Variants in EVC observed in about 807,000 individuals in gnomAD.
EVC encodes the protein evC complex member EVC.
A neutral mutation model predicts 118.9 loss-of-function variants in EVC; 116 were observed. The ratio of observed to expected loss-of-function variants is 0.98; its 90% CI spans 0.84 to 1.14. The LOEUF is 1.14. Among genes scored for constraint, EVC ranks in the 50% most tolerant of loss-of-function variants. The pLI is 0.00. For synonymous variants in EVC, 619 were observed against 534.7 expected (o/e 1.16, Z -2.18); for missense variants, 1,401 against 1,246.4 (o/e 1.12, Z -1.87).
rs1020350579 is a variant in EVC at position 5,812,576 on chromosome 4, C to G, written c.*1539C>G. 3 of 167,872 alleles carry G rather than the reference C, an allele frequency of 1.8e-5. No individual in the cohort carries two copies. Among genetic ancestry groups the G allele is most frequent in the African/African-American group, 7.3e-5 (3 of 41,108 alleles). The allele number at this position is 167,872 out of a possible 1,614,324, so 10.4% of individuals were successfully genotyped here. A position where few individuals can be genotyped will look rare whatever the true frequency, so the allele number is the denominator to read the frequency against. ...CACACCACAGCCAGGAGAGGCCTTT[C>G]CCACCTGGAGAGAAACTTCCAGACC... On this transcript the variant is annotated 3_prime_UTR_variant, in exon 21 of 21. Transcript: ENST00000264956.
chr4:5,788,116 T>C (rs1278691451), intron 12 of EVC, among the ~76,000 whole-genome samples: 1 of 152,182 alleles, frequency 6.6e-6, no homozygotes, highest in Non-Finnish European at 1.5e-5. Context: ...ACTGTCTCAG[T>C]GATCCCATCC....
chr4:5,801,533 A>G (rs1714969633), intron 15 of EVC, among the ~76,000 whole-genome samples: 1 of 152,164 alleles, frequency 6.6e-6, no homozygotes, highest in South Asian at 2.1e-4. Flanking sequence ...ACAAAAAATT[A>G]GCCAGGCCTG....
rs924759894 is a variant in EVC, at chr4:5,763,414, G to T, written c.1563+7052G>T. Among the ~76,000 whole-genome samples the T allele has an allele frequency of 5.4e-5, 8 of 147,816 alleles. 1 individual carries two copies. Among genetic ancestry groups the T allele is most frequent in the East Asian group, 2.0e-4 (1 of 4,928 alleles). On this transcript the variant is annotated intron_variant, in intron 11 of 20. Coordinates refer to ENST00000264956, the MANE Select transcript of EVC (RefSeq NM_153717.3). ...TTTCTGGTTCCATATGAACTTTAAA[G>T]TAGTTTTTTCCAATTCTGTGAAGAA...
intron 11 of EVC, among the ~76,000 whole-genome samples, chr4:5,779,328 CT>C (rs1201174534): frequency 7.2e-6 from 1 of 138,326 alleles, no homozygotes; most frequent in Middle Eastern, 3.5e-3. Flanking sequence ...ATGCGGGCTC[CT>C]TTTTGGTTCC....
At chr4:5,808,105 G>A in intron 17 of EVC, 96 bp from the exon 18 acceptor site, 1 of 974,066 alleles carries the variant, frequency 1.0e-6, no homozygotes, top group African/African-American at 2.5e-5. Flanking sequence ...GGGCTCCCAG[G>A]GATCAGCAGC....
Position 5,731,095 on chromosome 4 carries a change from G to A in EVC, c.385-330G>A, listed in dbSNP as rs1049887896. On this transcript the variant is annotated intron_variant, in intron 3 of 20. Coordinates refer to ENST00000264956, the MANE Select transcript of EVC (RefSeq NM_153717.3). This position sits in a 1 kb window ranked among gnomAD's most constrained non-coding sequence, Gnocchi z 5.6. Reference sequence around the variant, plus strand: ...GAGAACTGGGTCAGGGCAAGCGGTGGCTATGGAGGAGGTAGGTCAGAGTTG... The same window carrying A: ...GAGAACTGGGTCAGGGCAAGCGGTGACTATGGAGGAGGTAGGTCAGAGTTG... 1.3e-5 allele frequency among the ~76,000 whole-genome samples: 2 copies of A among 152,080 alleles called. No individual in the cohort carries two copies. Among genetic ancestry groups the A allele is most frequent in the African/African-American group, 4.8e-5 (2 of 41,410 alleles).
chr4:5,739,520 A>G (rs1214954314), intron 5 of EVC, among the ~76,000 whole-genome samples: 3 of 152,240 alleles, frequency 2.0e-5, no homozygotes, highest in Admixed American at 6.5e-5. Context: ...GATAGTATGT[A>G]TAATACATAC....
chr4:5,726,568 C>CTTTTTTTTTTTTTT (rs34483285), intron 2 of EVC, among the ~76,000 whole-genome samples: 2 of 134,508 alleles, frequency 1.5e-5, no homozygotes, highest in African/African-American at 2.8e-5. Context: ...CTTCTCTTTT[C>CTTTTTTTTTTTTTT]TTTTTTTTTT....
In EVC at chr4:5,756,203, T is replaced by TG. The variant is rs1411614532; in HGVS notation, c.1465-59dup. ...TGCAGGGGATGGTTGGAGAACCTTC[T>TG]GGAAAAAAAAAAAAAAACCCTGCAT... On this transcript the variant is annotated intron_variant, in intron 10 of 20. Coordinates refer to ENST00000264956, the MANE Select transcript of EVC (RefSeq NM_153717.3). The surrounding 1 kb of genome is among the most constrained non-coding windows in gnomAD (Gnocchi z 4.2). 8.8e-6 allele frequency: 11 copies of TG among 1,246,224 alleles called. No homozygotes were observed. The highest frequency in any genetic ancestry group is 2.5e-5 in the East Asian group (1 of 40,178). 77.2% of individuals were successfully genotyped at this position (1,246,224 alleles called of 1,614,324 possible).
In EVC at chr4:5,742,910, C is replaced by T. The variant is rs1728823568; in HGVS notation, c.801+1096C>T. ...GTGAATGGTGCCACTCCTTGCGGAGCAGGGCTAACCCGTAGGCAGTGTGCC... is the reference window on the plus strand; with the variant it reads ...GTGAATGGTGCCACTCCTTGCGGAGTAGGGCTAACCCGTAGGCAGTGTGCC... On this transcript the variant is annotated intron_variant, in intron 6 of 20. Transcript: ENST00000264956. The surrounding 1 kb of genome is among the most constrained non-coding windows in gnomAD (Gnocchi z 5.2). 6.6e-6 allele frequency among the ~76,000 whole-genome samples: 1 copy of T among 152,206 alleles called. No individual in the cohort carries two copies. The highest frequency in any genetic ancestry group is 1.5e-5 in the Non-Finnish European group (1 of 68,032).
At chr4:5,819,809 A>T in the EVC span, among the ~76,000 whole-genome samples, 10 of 150,644 alleles carry the variant, frequency 6.6e-5, no homozygotes, top group African/African-American at 2.5e-4. Flanking sequence ...CTTACCATCC[A>T]TTCTTGGTCT....
At chr4:5,733,057 G>A (rs1727093407) in intron 4 of EVC, among the ~76,000 whole-genome samples, 4 of 152,120 alleles carry the variant, frequency 2.6e-5, no homozygotes, top group Admixed American at 2.6e-4. Context: ...CTCAAAGGAG[G>A]AAACGTCATT....
At chr4:5,788,204 A>G (rs887265543) in intron 12 of EVC, among the ~76,000 whole-genome samples, 3 of 152,156 alleles carry the variant, frequency 2.0e-5, no homozygotes, top group African/African-American at 7.2e-5. Flanking sequence ...AACAACATGC[A>G]CTTATTGTCT....
At chr4:5,757,861 A>G (rs1731414087) in intron 11 of EVC, among the ~76,000 whole-genome samples, 1 of 147,180 alleles carries the variant, frequency 6.8e-6, no homozygotes. Flanking sequence ...ATACAGTCAC[A>G]TGGGATATTG....
intron 5 of EVC, among the ~76,000 whole-genome samples, chr4:5,735,403 G>A (rs1727501276): frequency 6.6e-6 from 1 of 152,102 alleles, no homozygotes; most frequent in African/African-American, 2.4e-5. Flanking sequence ...TGTGACTTTG[G>A]GTAAGTTGCT....
chr4:5,750,921 T>C (rs1730254342), intron 8 of EVC, among the ~76,000 whole-genome samples: 1 of 152,156 alleles, frequency 6.6e-6, no homozygotes, highest in African/African-American at 2.4e-5. Flanking sequence ...GAGTTGGAAT[T>C]CCCAGGGCGG....
In EVC at chr4:5,742,711, G is replaced by A. The variant is rs577980253; in HGVS notation, c.801+897G>A. 3.2e-4 allele frequency among the ~76,000 whole-genome samples: 48 copies of A among 151,920 alleles called. No individual in the cohort carries two copies. The highest frequency in any genetic ancestry group is 9.4e-4 in the African/African-American group (39 of 41,412). On this transcript the variant is annotated intron_variant, in intron 6 of 20. Transcript: ENST00000264956. This position sits in a 1 kb window ranked among gnomAD's most constrained non-coding sequence, Gnocchi z 5.2. ...TGGCATTCTCATTACTACCATCACC[G>A]CCATCATCATCTTCATTACCACCAT...
At chr4:5,769,855 G>A (rs1189877143) in intron 11 of EVC, among the ~76,000 whole-genome samples, 2 of 152,144 alleles carry the variant, frequency 1.3e-5, no homozygotes, top group African/African-American at 2.4e-5. Flanking sequence ...GATAACAGGT[G>A]CTTATGAAGT....
At chr4:5,722,540 C>T (rs1336039350) in intron 2 of EVC, among the ~76,000 whole-genome samples, 1 of 152,146 alleles carries the variant, frequency 6.6e-6, no homozygotes, top group Non-Finnish European at 1.5e-5. Context: ...TGGTTCCTGC[C>T]ACGCCTTGGA....
Sources: allele counts gnomAD v4.1 joint callset (sites outside exome capture counted in the v4.1 genomes callset), GRCh38; gene constraint gnomAD v4.1.1; non-coding constraint Gnocchi (gnomAD v3.1); transcripts MANE v1.5; gene names NCBI Gene and HGNC (gene_info 2026-07-23, HGNC 2026-07-21).